Variants in GPATCH1 observed in about 807,000 individuals in gnomAD.
GPATCH1 encodes G patch domain-containing protein 1.
Under a neutral mutation model 114.9 loss-of-function variants are expected in GPATCH1, and 73 were observed. That is an observed-to-expected ratio of 0.64 (90% CI 0.53 to 0.77). GPATCH1 has a LOEUF of 0.77. Ranked by LOEUF, GPATCH1 falls within the 30% of genes least tolerant of loss-of-function variation. The pLI is 0.00. For missense variants in GPATCH1, 1,058 were observed against 1,144.3 expected (o/e 0.92, Z 1.09); for synonymous variants, 391 against 428.4 (o/e 0.91, Z 1.08).
chr19:33,093,585 C>G, intron 4 of GPATCH1, 66 bp downstream of exon 4: 1 of 1,419,372 alleles, frequency 7.0e-7, no homozygotes, highest in Non-Finnish European at 9.7e-7. Context: ...GATTCTCTTG[C>G]TGAGGGATAG....
intron 9 of GPATCH1, among the ~76,000 whole-genome samples, chr19:33,103,381 A>C (rs1972748124): frequency 6.6e-6 from 1 of 152,174 alleles, no homozygotes; most frequent in Non-Finnish European, 1.5e-5. Flanking sequence ...CATTAAAGGA[A>C]AATGCAGGTG....
intron 15 of GPATCH1, among the ~76,000 whole-genome samples, chr19:33,116,751 G>T (rs1040393818): frequency 6.6e-6 from 1 of 152,046 alleles, no homozygotes; most frequent in Non-Finnish European, 1.5e-5. Context: ...GGATGGTCTC[G>T]ATCTCCTGAC....
At chr19:33,098,609 C>T (rs958327612) in intron 8 of GPATCH1, among the ~76,000 whole-genome samples, 2 of 152,158 alleles carry the variant, frequency 1.3e-5, no homozygotes, top group Non-Finnish European at 2.9e-5. Flanking sequence ...TTAGGCAAGG[C>T]TCATAACCTC....
chr19:33,096,931 C>A (rs1972667142), intron 7 of GPATCH1, among the ~76,000 whole-genome samples: 1 of 147,842 alleles, frequency 6.8e-6, no homozygotes, highest in African/African-American at 2.5e-5. Context: ...GCCTGGCCAC[C>A]TTTTCTTTCT....
At chr19:33,122,385 C>T (rs1018711121) in intron 17 of GPATCH1, among the ~76,000 whole-genome samples, 13 of 149,620 alleles carry the variant, frequency 8.7e-5, no homozygotes, top group East Asian at 2.0e-4. Flanking sequence ...AGTGCAGTGG[C>T]GCAATCTTGG....
Position 33,114,408 on chromosome 19 carries a change from T to C in GPATCH1, c.2185T>C (p.Ser729Pro), listed in dbSNP as rs1295505513. 6.3e-7 allele frequency: 1 copy of C among 1,593,022 alleles called. No individual in the cohort carries two copies. The highest frequency in any genetic ancestry group is 8.5e-7 in the Non-Finnish European group (1 of 1,174,196). ...AGAGGAAGAGCATGCACCAGAATTA[T>C]CCGCAAATCAGGTATTTGGGGCTTC... is the stretch of plus-strand genomic sequence containing the variant. The part of the protein sequence containing the change: ...NKEEEHAPEL[S>P]ANQTVNKDVD... Residue 729 changes from serine to proline, a missense_variant, in exon 15 of 20, where the codon TCC becomes CCC. Transcript: ENST00000170564.
chr19:33,101,885 C>T (rs969091302), intron 9 of GPATCH1, among the ~76,000 whole-genome samples: 6 of 151,656 alleles, frequency 4.0e-5, no homozygotes, highest in South Asian at 2.1e-4. Flanking sequence ...CAAAATTAGC[C>T]GCACGTGGTG....
At chr19:33,127,916 T>TC in intron 19 of GPATCH1, among the ~76,000 whole-genome samples, 1 of 151,728 alleles carries the variant, frequency 6.6e-6, no homozygotes, top group South Asian at 2.1e-4. Context: ...CAGTGTTTCG[T>TC]CATGTTGGCC....
chr19:33,118,123 C>A, intron 16 of GPATCH1, 82 bp downstream of exon 16: 1 of 836,698 alleles, frequency 1.2e-6, no homozygotes, highest in Non-Finnish European at 2.0e-6. Context: ...ACTCTATAAT[C>A]TTAAACCCGA....
At chr19:33,084,725 A>G (rs1367612052) in intron 1 of GPATCH1, among the ~76,000 whole-genome samples, 1 of 146,790 alleles carries the variant, frequency 6.8e-6, no homozygotes, top group Non-Finnish European at 1.5e-5. Context: ...CAATGGCACG[A>G]TCTTTGCTCA....
chr19:33,096,009 G>A (rs1972654087), intron 6 of GPATCH1, among the ~76,000 whole-genome samples, 189 bp downstream of exon 6: 1 of 152,164 alleles, frequency 6.6e-6, no homozygotes, highest in African/African-American at 2.4e-5. Context: ...CAGATACCCA[G>A]GTCTGTTCAG....
In GPATCH1 at chr19:33,088,184, G is replaced by C; in HGVS notation, c.124G>C (p.Glu42Gln). 1 of 1,564,710 alleles carries C rather than the reference G, an allele frequency of 6.4e-7. No homozygotes were observed. The highest frequency in any genetic ancestry group is 2.3e-5 in the East Asian group (1 of 42,926). Residue 42 changes from glutamate (E) to glutamine (Q), a missense_variant, in exon 2 of 20, where the codon GAA becomes CAA. By Grantham distance (29) the Glu-to-Gln change is conservative. This residue lies in a region of GPATCH1 where 131 missense variants were observed against 107.2 expected (regional missense o/e 1.22). Transcript: ENST00000170564. The part of the protein sequence containing the change: ...IPLQDQTVRD[E>Q]KGRYKRFHGA... The stretch of plus-strand genomic sequence containing the variant: ...TCTTCAGGATCAGACTGTCAGAGAT[G>C]AAAAAGGAAGGTATAAACGATTCCA...
chr19:33,128,712 G>A (rs1973069764), intron 19 of GPATCH1, among the ~76,000 whole-genome samples: 1 of 152,212 alleles, frequency 6.6e-6, no homozygotes, highest in African/African-American at 2.4e-5. Flanking sequence ...GAAGAAGGGT[G>A]TTGTGTGAAT....
At chr19:33,108,142 C>T (rs1287026032) in intron 10 of GPATCH1, among the ~76,000 whole-genome samples, 4 of 152,104 alleles carry the variant, frequency 2.6e-5, no homozygotes. Flanking sequence ...ATTTCCGTGG[C>T]CTCCCGGGTC....
chr19:33,106,545 C>T, intron 9 of GPATCH1, 150 bp from the exon 10 acceptor site: 1 of 639,826 alleles, frequency 1.6e-6, no homozygotes, highest in South Asian at 1.8e-5. Context: ...GGCTGGACCT[C>T]TGGCCAGCCT....
chr19:33,109,532 A>G (rs1022507949), intron 10 of GPATCH1, among the ~76,000 whole-genome samples, 185 bp from the exon 11 acceptor site: 9 of 152,088 alleles, frequency 5.9e-5, no homozygotes, highest in Admixed American at 5.9e-4. Flanking sequence ...TAATAATAAG[A>G]AGAAGAATCT....
At chr19:33,086,383 A>G (rs1451005286) in intron 1 of GPATCH1, among the ~76,000 whole-genome samples, 1 of 152,214 alleles carries the variant, frequency 6.6e-6, no homozygotes, top group Non-Finnish European at 1.5e-5. Flanking sequence ...ACCACCCTAC[A>G]AAGATGGGCT....
At chr19:33,091,128 G>A (rs1441632727) in intron 3 of GPATCH1, among the ~76,000 whole-genome samples, 4 of 151,968 alleles carry the variant, frequency 2.6e-5, no homozygotes, top group Admixed American at 6.6e-5. Context: ...GAAAAGCCTC[G>A]TGGCTGGGTG....
At chr19:33,094,909 A>C (rs900472213) in intron 5 of GPATCH1, among the ~76,000 whole-genome samples, 2 of 152,074 alleles carry the variant, frequency 1.3e-5, no homozygotes, top group African/African-American at 4.8e-5. Context: ...TCATACCCAT[A>C]ATCCTGGCAC....
Sources: gnomAD v4.1 joint callset for allele counts (sites outside exome capture counted in the v4.1 genomes callset) on GRCh38, gnomAD v4.1.1 for gene constraint, gnomAD v4.1.1 regional missense constraint, MANE v1.5 for transcripts, NCBI Gene and HGNC (gene_info 2026-07-23, HGNC 2026-07-21) for gene names.